BRWD1: variants seen among roughly 807,000 people sequenced by gnomAD.
The protein encoded by BRWD1 is bromodomain and WD repeat domain containing 1.
A neutral mutation model predicts 251.2 loss-of-function variants in BRWD1; 82 were observed. The ratio of observed to expected loss-of-function variants is 0.33; its 90% CI spans 0.27 to 0.39. The LOEUF (loss-of-function observed/expected upper bound fraction) is 0.39. Among genes scored for constraint, BRWD1 ranks in the 10% least tolerant of loss-of-function variants. The pLI is 1.00. For missense variants in BRWD1, 2,233 were observed against 2,711.6 expected, an observed-to-expected ratio of 0.82 and a Z score of 3.92; for synonymous variants, 918 against 902.8, an observed-to-expected ratio of 1.02 and a Z score of -0.30.
Position 39,296,284 on chromosome 21 carries a change from A to G in BRWD1, c.429T>C (p.Tyr143=), listed in dbSNP as rs755001563. The stretch of plus-strand genomic sequence containing the variant: ...ACTTACCAAGATTTGGTGGGGAACC[A>G]TAATTCACTGGCATTTCAGGAGGTC... ...RGRPPEMPVN[Y]GSPPNLVEIH... is the part of the protein sequence containing the mutation. Residue 143 remains tyrosine, a synonymous_variant, in exon 6 of 41, where the codon TAT becomes TAC. Coordinates refer to ENST00000342449, the MANE Select transcript of BRWD1 (RefSeq NM_033656.4). The G allele has an allele frequency of 6.9e-6, 11 of 1,599,910 alleles. No homozygotes were observed. In the East Asian group the frequency reaches 2.0e-4, roughly 30 times the overall value.
At chr21:39,214,756 A>G (rs1269959458) in intron 32 of BRWD1, among the ~76,000 whole-genome samples, 1 of 152,196 alleles carries the variant, frequency 6.6e-6, no homozygotes, top group East Asian at 1.9e-4. Context: ...AAAAGTTGAA[A>G]AACTGAATTA....
At chr21:39,298,029 C>T in intron 5 of BRWD1, 3 of 986,454 alleles carry the variant, frequency 3.0e-6, no homozygotes, top group Non-Finnish European at 3.6e-6. Context: ...AATCACTTCC[C>T]TTTATAACAA....
At chr21:39,210,248 A>T (rs1261591571) in intron 35 of BRWD1, 101 bp from the exon 36 acceptor site, 10 of 1,004,536 alleles carry the variant, frequency 1.0e-5, no homozygotes, top group Non-Finnish European at 1.5e-5. Flanking sequence ...GGAAGAGAGG[A>T]AAAGGTTAGA....
chr21:39,279,325 T>G (rs1000099712), intron 9 of BRWD1, among the ~76,000 whole-genome samples: 2 of 152,152 alleles, frequency 1.3e-5, no homozygotes, highest in African/African-American at 4.8e-5. Context: ...TTTCACATAC[T>G]CGTTATTCAA....
rs1568841963 is a variant in BRWD1, at chr21:39,187,151, A to AT, written c.*9107dup. 6 of 1,613,534 alleles carry AT rather than the reference A, an allele frequency of 3.7e-6. No individual in the cohort carries two copies. Among genetic ancestry groups the AT allele is most frequent in the South Asian group, 1.1e-5 (1 of 90,940 alleles). ...TCATCCTCTTTATAAACATTCAGTA[A>AT]TTTTTTCTTAGCCGCAGCAGAAGCA... On this transcript the variant is annotated 3_prime_UTR_variant, in exon 41 of 41. Coordinates refer to ENST00000342449, the MANE Select transcript of BRWD1 (RefSeq NM_033656.4).
chr21:39,241,558 T>C (rs2034003400), intron 21 of BRWD1, among the ~76,000 whole-genome samples: 1 of 142,764 alleles, frequency 7.0e-6, no homozygotes, highest in African/African-American at 2.6e-5. Context: ...GGTTTCTCTG[T>C]ACAGAAGGGA....
At chr21:39,269,336 T>C (rs75281336) in intron 15 of BRWD1, among the ~76,000 whole-genome samples, 14,871 of 151,364 alleles carry the variant, frequency 0.098, 885 homozygotes, top group East Asian at 0.14. Context: ...TCAACCATCT[T>C]GGGATTTTTT....
At chr21:39,262,537 A>C (rs1251069303) in intron 17 of BRWD1, among the ~76,000 whole-genome samples, 1 of 152,208 alleles carries the variant, frequency 6.6e-6, no homozygotes, top group African/African-American at 2.4e-5. Flanking sequence ...CAACATGGTG[A>C]AACCCCATCT....
intron 17 of BRWD1, among the ~76,000 whole-genome samples, chr21:39,259,408 G>A (rs769847993): frequency 3.9e-5 from 6 of 151,946 alleles, no homozygotes; most frequent in Non-Finnish European, 4.4e-5. Context: ...CTCCTGCCTC[G>A]GCCTCCCGAC....
intron 36 of BRWD1, among the ~76,000 whole-genome samples, chr21:39,207,169 T>C (rs1410830851): frequency 6.6e-6 from 1 of 152,126 alleles, no homozygotes; most frequent in Non-Finnish European, 1.5e-5. Context: ...GCACAGTGGC[T>C]CATGCCTATA....
chr21:39,314,506 G>T (rs549185712), upstream of BRWD1: 5 of 362,718 alleles, frequency 1.4e-5, no homozygotes, highest in Non-Finnish European at 2.2e-5. Flanking sequence ...AGGGAGTCAT[G>T]TGCAGTTAGA....
intron 8 of BRWD1, among the ~76,000 whole-genome samples, chr21:39,281,961 T>G (rs1230149844): frequency 6.6e-6 from 1 of 151,500 alleles, no homozygotes; most frequent in Non-Finnish European, 1.5e-5. Flanking sequence ...TAGACATATA[T>G]GTATACATAT....
chr21:39,256,535 C>T (rs1191258478), intron 18 of BRWD1, among the ~76,000 whole-genome samples: 5 of 152,162 alleles, frequency 3.3e-5, no homozygotes, highest in Admixed American at 1.3e-4. Flanking sequence ...AACACTGACG[C>T]TCTGAGCCTG....
chr21:39,292,143 G>T (rs866851045), intron 8 of BRWD1, among the ~76,000 whole-genome samples: 10 of 94,600 alleles, frequency 1.1e-4, no homozygotes, highest in Non-Finnish European at 1.6e-4. Context: ...GGGGGGGGGG[G>T]TCTCACTAAG....
At chr21:39,208,721 G>A (rs1477399255) in intron 36 of BRWD1, among the ~76,000 whole-genome samples, 2 of 151,912 alleles carry the variant, frequency 1.3e-5, no homozygotes, top group Admixed American at 6.6e-5. Context: ...ACAGGCAAGC[G>A]CCAACACGGG....
At position 39,190,159 on chromosome 21, in the gene BRWD1, A is replaced by G; in HGVS notation, c.*6100T>C. On this transcript the variant is annotated 3_prime_UTR_variant, in exon 41 of 41. Coordinates refer to ENST00000342449, the MANE Select transcript of BRWD1 (RefSeq NM_033656.4). ...ATGTGGTGAATAGAAACCTGGATAC[A>G]AACATAACAGTTCTGACTCAACACA... is the stretch of plus-strand genomic sequence containing the variant. 2.0e-6 allele frequency: 2 copies of G among 984,958 alleles called. No individual in the cohort carries two copies. Among genetic ancestry groups the G allele is most frequent in the Non-Finnish European group, 2.4e-6 (2 of 829,484 alleles). The allele number at this position is 984,958 out of a possible 1,614,324, so 61.0% of individuals were successfully genotyped here. A position where few individuals can be genotyped will look rare whatever the true frequency, so the allele number is the denominator to read the frequency against.
chr21:39,213,111 TAG>T (rs2032735115), intron 33 of BRWD1, among the ~76,000 whole-genome samples: 3 of 152,286 alleles, frequency 2.0e-5, no homozygotes, highest in South Asian at 4.2e-4. Flanking sequence ...TTATTTATTG[TAG>T]AGACAGGGTC....
Position 39,187,611 on chromosome 21 carries a change from A to G in BRWD1, c.*8648T>C, listed in dbSNP as rs555095671. 4.1e-6 allele frequency: 4 copies of G among 985,178 alleles called. No homozygotes were observed. Among genetic ancestry groups the G allele is most frequent in the South Asian group, 4.7e-5 (1 of 21,286 alleles). 61.0% of individuals were successfully genotyped at this position (985,178 alleles called of 1,614,324 possible). A position where few individuals can be genotyped will look rare whatever the true frequency, so the allele number is the denominator to read the frequency against. ...ACCTTACATTTGCTTATCTACAACT[A>G]TAAGGATGTCACTTAAAACAGTAGC... On this transcript the variant is annotated 3_prime_UTR_variant, in exon 41 of 41. Transcript: ENST00000342449.
At chr21:39,312,997 G>A in intron 3 of BRWD1, 75 bp downstream of exon 3, 2 of 1,137,098 alleles carry the variant, frequency 1.8e-6, no homozygotes, top group East Asian at 3.5e-5. Context: ...GCGGGCGGGG[G>A]GCGCGGGCGA....
Sources: allele counts gnomAD v4.1 joint callset (sites outside exome capture counted in the v4.1 genomes callset), GRCh38; gene constraint gnomAD v4.1.1; transcripts MANE v1.5; gene names NCBI Gene and HGNC (gene_info 2026-07-23, HGNC 2026-07-21).